TMEM132B: variants seen among roughly 807,000 people sequenced by gnomAD.
The protein encoded by TMEM132B is transmembrane protein 132B.
TMEM132B carries 18 observed loss-of-function variants against 90.8 expected under a neutral mutation model. The ratio of observed to expected loss-of-function variants is 0.20; its 90% CI spans 0.14 to 0.29. The LOEUF (loss-of-function observed/expected upper bound fraction) is 0.29, where lower values mean the gene tolerates loss of function less well. Ranked by LOEUF, TMEM132B falls within the 10% of genes least tolerant of loss-of-function variation. TMEM132B has a pLI of 1.00. For missense variants in TMEM132B, 1,096 were observed against 1,326.8 expected (o/e 0.83, Z 2.70); for synonymous variants, 504 against 523.3 (o/e 0.96, Z 0.50).
chr12:125,521,482 T>C (rs961740277), intron 4 of TMEM132B, among the ~76,000 whole-genome samples: 5 of 152,200 alleles, frequency 3.3e-5, no homozygotes, highest in African/African-American at 1.2e-4. Flanking sequence ...GAAATCCCTC[T>C]GTAGTTAGAA....
At chr12:125,508,813 C>T (rs1289825576) in intron 3 of TMEM132B, among the ~76,000 whole-genome samples, 2 of 145,234 alleles carry the variant, frequency 1.4e-5, no homozygotes, top group Admixed American at 1.4e-4. Context: ...GAGTCTCACT[C>T]TGTCGCCCAG....
chr12:125,660,710 T>C lies in TMEM132B; in HGVS notation c.*6000T>C, dbSNP rs1437233990. The stretch of plus-strand genomic sequence containing the variant: ...TCCCAGTCCAAGCAAGCAATAATGT[T>C]ATCAACTTACAATATTGGACAATCT... On this transcript the variant is annotated 3_prime_UTR_variant, in exon 9 of 9. Transcript: ENST00000682704. 3 of 152,366 alleles carry C rather than the reference T, an allele frequency of 2.0e-5. No individual in the cohort carries two copies. Among genetic ancestry groups the C allele is most frequent in the East Asian group, 3.9e-4 (2 of 5,194 alleles). 9.4% of individuals were successfully genotyped at this position (152,366 alleles called of 1,614,324 possible).
At position 125,519,687 on chromosome 12, in the gene TMEM132B, C is replaced by G. The variant is rs1410601226; in HGVS notation, c.1293+62C>G. Reference sequence around the variant, plus strand: ...AGAAGTTTTCTTTAAACATGATGCACTGTATAATCTGTTATTTTCCACATA... The same window carrying G: ...AGAAGTTTTCTTTAAACATGATGCAGTGTATAATCTGTTATTTTCCACATA... On this transcript the variant is annotated intron_variant, in intron 4 of 8. Coordinates refer to ENST00000682704, the MANE Select transcript of TMEM132B (RefSeq NM_001366854.1). 2.6e-6 allele frequency: 4 copies of G among 1,513,680 alleles called. No homozygotes were observed. The African/African-American group carries it at 5.5e-5, about 21-fold the overall frequency. The allele number at this position is 1,513,680 out of a possible 1,614,324, so 93.8% of individuals were successfully genotyped here.
At chr12:125,524,460 T>G (rs1883392483) in intron 4 of TMEM132B, among the ~76,000 whole-genome samples, 1 of 152,224 alleles carries the variant, frequency 6.6e-6, no homozygotes, top group Non-Finnish European at 1.5e-5. Flanking sequence ...CTGCCTAGTT[T>G]GAAATTTGAA....
chr12:125,393,108 C>T (rs1194400159), intron 2 of TMEM132B, among the ~76,000 whole-genome samples: 5 of 152,218 alleles, frequency 3.3e-5, no homozygotes, highest in Admixed American at 1.3e-4. Context: ...TCTGCCTTAG[C>T]TTGAGAAGCC....
chr12:125,255,473 TAATGA>T (rs1240767577), intron 1 of TMEM132B, among the ~76,000 whole-genome samples: 1 of 152,338 alleles, frequency 6.6e-6, no homozygotes, highest in East Asian at 1.9e-4. Flanking sequence ...CAGACTTTCC[TAATGA>T]AATGGAAAAG....
At chr12:125,197,784 T>A (rs968280646) in intron 1 of TMEM132B, among the ~76,000 whole-genome samples, 22 of 152,144 alleles carry the variant, frequency 1.4e-4, no homozygotes, top group African/African-American at 4.6e-4. Context: ...TCAGAAAAAA[T>A]TATCCAGCTC....
At chr12:125,345,630 C>T (rs145083069) in intron 1 of TMEM132B, among the ~76,000 whole-genome samples, 8 of 152,248 alleles carry the variant, frequency 5.3e-5, no homozygotes, top group East Asian at 1.9e-4. Flanking sequence ...TATTTTGAGT[C>T]GGAGCATCCT....
intron 2 of TMEM132B, among the ~76,000 whole-genome samples, chr12:125,389,903 T>C (rs1439287449): frequency 1.3e-5 from 2 of 152,232 alleles, no homozygotes; most frequent in East Asian, 1.9e-4. Context: ...TATAGACATA[T>C]ACCCACAGAC....
At chr12:125,326,725 G>A (rs1226993104) in intron 1 of TMEM132B, 1 of 1,560,498 alleles carries the variant, frequency 6.4e-7, no homozygotes, top group African/African-American at 1.4e-5. Flanking sequence ...GATGGGACCA[G>A]ACCCAAGGGG....
At chr12:125,583,248 G>T (rs1593005107) in intron 4 of TMEM132B, among the ~76,000 whole-genome samples, 1 of 152,132 alleles carries the variant, frequency 6.6e-6, no homozygotes, top group Non-Finnish European at 1.5e-5. Context: ...TCAATCAACA[G>T]AAGAAGTGAG....
chr12:125,304,473 T>A (rs920940179), intron 1 of TMEM132B, among the ~76,000 whole-genome samples: 1 of 152,210 alleles, frequency 6.6e-6, no homozygotes, highest in African/African-American at 2.4e-5. Flanking sequence ...AATGACTTCA[T>A]AAATATAACA....
At chr12:125,497,539 A>G (rs186752693) in intron 3 of TMEM132B, among the ~76,000 whole-genome samples, 11 of 152,168 alleles carry the variant, frequency 7.2e-5, no homozygotes, top group African/African-American at 2.7e-4. Flanking sequence ...GACTGAGTAG[A>G]GTCTTGAGCC....
At chr12:125,220,428 A>G (rs1289353266) in intron 1 of TMEM132B, among the ~76,000 whole-genome samples, 1 of 152,214 alleles carries the variant, frequency 6.6e-6, no homozygotes. Context: ...CTTTCAAGAT[A>G]ATGCTGTTTC....
intron 3 of TMEM132B, among the ~76,000 whole-genome samples, chr12:125,499,641 A>G (rs1882645766): frequency 6.6e-6 from 1 of 152,156 alleles, no homozygotes; most frequent in Admixed American, 6.5e-5. Context: ...TAGGGCTATA[A>G]ACGCCCTCAT....
intron 1 of TMEM132B, among the ~76,000 whole-genome samples, chr12:125,306,420 G>A (rs947808435): frequency 3.9e-5 from 6 of 152,076 alleles, no homozygotes; most frequent in African/African-American, 7.2e-5. Flanking sequence ...CTACCTGGAC[G>A]TCTCATTGGT....
intron 1 of TMEM132B, among the ~76,000 whole-genome samples, chr12:125,345,657 T>C (rs971517758): frequency 6.6e-6 from 1 of 152,204 alleles, no homozygotes; most frequent in Non-Finnish European, 1.5e-5. Context: ...ACAGAGCATC[T>C]GTCTGGTGCA....
At chr12:125,397,126 C>T (rs1879191049) in intron 2 of TMEM132B, among the ~76,000 whole-genome samples, 1 of 152,034 alleles carries the variant, frequency 6.6e-6, no homozygotes, top group African/African-American at 2.4e-5. Flanking sequence ...CACCCACCAC[C>T]AGGCCCGGCT....
chr12:125,522,357 A>G (rs979743516), intron 4 of TMEM132B, among the ~76,000 whole-genome samples: 1 of 152,248 alleles, frequency 6.6e-6, no homozygotes, highest in African/African-American at 2.4e-5. Context: ...ACTATCACAG[A>G]GGACTGGGAT....
Sources: allele counts gnomAD v4.1 joint callset (sites outside exome capture counted in the v4.1 genomes callset), GRCh38; gene constraint gnomAD v4.1.1; transcripts MANE v1.5; gene names NCBI Gene and HGNC (gene_info 2026-07-23, HGNC 2026-07-21).